TAF4B: variants seen among roughly 807,000 people sequenced by gnomAD.
The protein encoded by TAF4B is transcription initiation factor TFIID subunit 4B.
Under a neutral mutation model 86.4 loss-of-function variants are expected in TAF4B, and 38 were observed. The observed-to-expected ratio is 0.44, with a 90% CI of 0.34 to 0.58. The LOEUF is 0.58. TAF4B is among the 20% of genes least tolerant of loss of function. The probability of loss-of-function intolerance (pLI) is 0.02; values close to 1 mark genes in which losing one functional copy is unlikely to be tolerated. For missense variants in TAF4B, 988 were observed against 1,027.6 expected (o/e 0.96, Z 0.53); for synonymous variants, 388 against 391.2 (o/e 0.99, Z 0.10).
chr18:26,254,339 A>G (rs542614822), intron 1 of TAF4B, among the ~76,000 whole-genome samples: 8 of 152,074 alleles, frequency 5.3e-5, no homozygotes, highest in African/African-American at 1.7e-4. Context: ...GGTTTTGTTG[A>G]TTTTTCTTTT....
intron 1 of TAF4B, among the ~76,000 whole-genome samples, chr18:26,258,282 G>T (rs1375112818): frequency 2.6e-5 from 4 of 151,366 alleles, no homozygotes; most frequent in Admixed American, 2.0e-4. Context: ...GGGAAGAAGA[G>T]AGCAAGGACA....
At chr18:26,313,500 G>T (rs1033456888) in intron 9 of TAF4B, among the ~76,000 whole-genome samples, 1 of 152,014 alleles carries the variant, frequency 6.6e-6, no homozygotes, top group Non-Finnish European at 1.5e-5. Flanking sequence ...ACGTTTCTTT[G>T]CTCTGCATAT....
At chr18:26,368,300 T>C (rs1304470514) in intron 14 of TAF4B, among the ~76,000 whole-genome samples, 1 of 152,192 alleles carries the variant, frequency 6.6e-6, no homozygotes, top group Non-Finnish European at 1.5e-5. Flanking sequence ...TAGATTATAA[T>C]TGAAATACTA....
At chr18:26,389,495 A>G (rs998702144) in intron 14 of TAF4B, among the ~76,000 whole-genome samples, 2 of 152,242 alleles carry the variant, frequency 1.3e-5, no homozygotes, top group African/African-American at 2.4e-5. Context: ...AAAGTGATAA[A>G]CAAGTCTTTC....
chr18:26,265,087 A>G lies in TAF4B; in HGVS notation c.344-83A>G, dbSNP rs2056219633. On this transcript the variant is annotated intron_variant, in intron 1 of 14. Transcript: ENST00000269142. ...TTGAAGACATCTTTTTAAAGTGTTG[A>G]AAGAAATGGGAGAAGAAAATATGTG... The G allele has an allele frequency of 3.5e-6, 5 of 1,422,390 alleles. No individual in the cohort carries two copies. In the South Asian group the frequency reaches 7.2e-5, roughly 20 times the overall value. The allele number at this position is 1,422,390 out of a possible 1,614,324, so 88.1% of individuals were successfully genotyped here. A position where few individuals can be genotyped will look rare whatever the true frequency, so the allele number is the denominator to read the frequency against.
At chr18:26,231,356 T>G (rs1236004269) in intron 1 of TAF4B, among the ~76,000 whole-genome samples, 5 of 136,614 alleles carry the variant, frequency 3.7e-5, no homozygotes, top group South Asian at 2.5e-4. Context: ...TTTTTTTTTT[T>G]TTTTTTTTTT....
chr18:26,252,568 T>A (rs2056021618), intron 1 of TAF4B, among the ~76,000 whole-genome samples: 1 of 152,122 alleles, frequency 6.6e-6, no homozygotes, highest in Non-Finnish European at 1.5e-5. Context: ...GAAATCTCCC[T>A]CCATTCCACT....
intron 7 of TAF4B, among the ~76,000 whole-genome samples, chr18:26,288,340 G>T (rs911723839): frequency 6.6e-6 from 1 of 152,146 alleles, no homozygotes. Flanking sequence ...GACTCATCCA[G>T]TAACAGTTAA....
intron 1 of TAF4B, among the ~76,000 whole-genome samples, chr18:26,251,941 G>A (rs537574201): frequency 3.4e-4 from 52 of 152,282 alleles, no homozygotes; most frequent in African/African-American, 1.3e-3. Flanking sequence ...TCCTACTGAT[G>A]TTTTGAGTAC....
At chr18:26,358,891 T>C (rs919038143) in intron 14 of TAF4B, among the ~76,000 whole-genome samples, 1 of 152,284 alleles carries the variant, frequency 6.6e-6, no homozygotes, top group South Asian at 2.1e-4. Context: ...CCATTGTTGA[T>C]CCTGAACATT....
At chr18:26,382,142 T>C (rs1422343511) in intron 14 of TAF4B, among the ~76,000 whole-genome samples, 1 of 152,196 alleles carries the variant, frequency 6.6e-6, no homozygotes, top group Non-Finnish European at 1.5e-5. Flanking sequence ...TTCACAGTTC[T>C]CCAAGGAAAA....
intron 6 of TAF4B, among the ~76,000 whole-genome samples, chr18:26,285,117 A>G (rs1176330256): frequency 2.0e-5 from 3 of 149,416 alleles, no homozygotes; most frequent in Non-Finnish European, 4.5e-5. Context: ...ACAGGCATGC[A>G]CCACCATGCC....
At chr18:26,297,523 C>G (rs2056678630) in intron 9 of TAF4B, among the ~76,000 whole-genome samples, 1 of 152,178 alleles carries the variant, frequency 6.6e-6, no homozygotes, top group Admixed American at 6.5e-5. Context: ...CCTGGCTTCT[C>G]TATTCTGTTT....
intron 13 of TAF4B, among the ~76,000 whole-genome samples, chr18:26,352,971 T>C (rs2144727536): frequency 6.6e-6 from 1 of 152,264 alleles, no homozygotes; most frequent in East Asian, 1.9e-4. Flanking sequence ...CCAGAACAGA[T>C]TTTTAGTAAA....
intron 9 of TAF4B, among the ~76,000 whole-genome samples, chr18:26,309,362 A>G (rs2056831656): frequency 7.0e-6 from 1 of 143,856 alleles, no homozygotes; most frequent in Non-Finnish European, 1.5e-5. Flanking sequence ...ACAGCTTTCC[A>G]ATAGTTATAT....
chr18:26,340,276 A>G (rs2057126017), intron 13 of TAF4B, among the ~76,000 whole-genome samples: 1 of 152,238 alleles, frequency 6.6e-6, no homozygotes, highest in African/African-American at 2.4e-5. Flanking sequence ...TATTTTTAAA[A>G]TGAAATTTGA....
chr18:26,283,931 A>G (rs950049585), intron 6 of TAF4B, among the ~76,000 whole-genome samples: 2 of 152,082 alleles, frequency 1.3e-5, no homozygotes, highest in Non-Finnish European at 2.9e-5. Flanking sequence ...GCGCATGCCT[A>G]TAGTCCCAGC....
chr18:26,292,082 T>G (rs530467266), intron 7 of TAF4B, 164 bp from the exon 8 acceptor site: 2 of 635,968 alleles, frequency 3.1e-6, no homozygotes, highest in African/African-American at 1.9e-5. Context: ...TTTTCACTTT[T>G]GAACAAGATA....
At chr18:26,292,188 TTATCC>T in intron 7 of TAF4B, 53 bp from the exon 8 acceptor site, 1 of 1,558,122 alleles carries the variant, frequency 6.4e-7, no homozygotes, top group Middle Eastern at 1.7e-4. Flanking sequence ...AACTGAAATC[TTATCC>T]TTTTCTAAAG....
Sources: gnomAD v4.1 joint callset for allele counts (sites outside exome capture counted in the v4.1 genomes callset) on GRCh38, gnomAD v4.1.1 for gene constraint, MANE v1.5 for transcripts, NCBI Gene and HGNC (gene_info 2026-07-23, HGNC 2026-07-21) for gene names.